Variants in TBC1D12 observed in about 807,000 individuals in gnomAD.
TBC1D12 encodes the protein TBC1 domain family member 12.
A neutral mutation model predicts 86.7 loss-of-function variants in TBC1D12; 56 were observed. That is an observed-to-expected ratio of 0.65 (90% CI 0.52 to 0.81). The LOEUF (loss-of-function observed/expected upper bound fraction) is 0.81, where lower values mean the gene tolerates loss of function less well. Among genes scored for constraint, TBC1D12 ranks in the 30% least tolerant of loss-of-function variants. TBC1D12 has a pLI of 0.00. For missense variants in TBC1D12, 1,023 were observed against 1,038.8 expected, an observed-to-expected ratio of 0.98 and a Z score of 0.21; for synonymous variants, 421 against 411.7, an observed-to-expected ratio of 1.02 and a Z score of -0.27.
In TBC1D12 at chr10:94,402,754, G is replaced by C; in HGVS notation, c.141G>C (p.Glu47Asp). ...TTGGCGGAGGCGTCGGCGCTGTGGA[G>C]CCGCCGGAGGAGGCTGACGAGGAGG... ...GGFGGGVGAV[E>D]PPEEADEEEE... The change falls in exon 1 of 13, where the codon GAG (glutamate) becomes GAC (aspartate). Residue 47 changes from glutamate (E) to aspartate (D), a missense_variant. By Grantham distance (45) the Glu-to-Asp change is conservative. Transcript: ENST00000225235. The C allele has an allele frequency of 6.5e-7, 1 of 1,548,700 alleles. No individual in the cohort carries two copies.
At chr10:94,458,875 C>T (rs1484079516) in intron 2 of TBC1D12, among the ~76,000 whole-genome samples, 3 of 152,078 alleles carry the variant, frequency 2.0e-5, no homozygotes. Flanking sequence ...CAGACCTTTG[C>T]AGTGAGTGTT....
At chr10:94,532,170 G>A (rs186409121) in intron 12 of TBC1D12, among the ~76,000 whole-genome samples, 201 of 148,200 alleles carry the variant, frequency 1.4e-3, no homozygotes, top group African/African-American at 4.5e-3. Context: ...GTCAGTCACC[G>A]CGCCTGGCCT....
At position 94,445,600 on chromosome 10, in the gene TBC1D12, T is replaced by G. The variant is rs558932146; in HGVS notation, c.1095+3581T>G. Among the ~76,000 whole-genome samples the G allele has an allele frequency of 3.9e-5, 6 of 152,296 alleles. No individual in the cohort carries two copies. The South Asian group carries it at 1.0e-3, about 26-fold the overall frequency. On this transcript the variant is annotated intron_variant, in intron 2 of 12. Coordinates refer to ENST00000225235, the MANE Select transcript of TBC1D12 (RefSeq NM_015188.2). ...CCTTTTTGTGGTTATGTTTGTTCTC[T>G]GGGAGGCATTATGTATAGTCAAGTC... is the stretch of plus-strand genomic sequence containing the variant.
chr10:94,433,515 G>C (rs1174228079), intron 1 of TBC1D12, among the ~76,000 whole-genome samples: 2 of 152,130 alleles, frequency 1.3e-5, no homozygotes, highest in Non-Finnish European at 2.9e-5. Flanking sequence ...ATAGAGATCT[G>C]ATAGACAATA....
rs1433122775 is a variant in TBC1D12 at position 94,423,505 on chromosome 10, G to A, written c.972-18391G>A. On this transcript the variant is annotated intron_variant, in intron 1 of 12. Transcript: ENST00000225235. ...TGGGATTACAGGTGCCCGCTACCAC[G>A]CCCGGCTAATTTTTTTACTTTTAGT... Among the ~76,000 whole-genome samples the A allele has an allele frequency of 6.6e-5, 10 of 152,028 alleles. No homozygotes were observed. In the South Asian group the frequency reaches 1.2e-3, roughly 19 times the overall value.
In TBC1D12 at chr10:94,403,000, G is replaced by A. The variant is rs765005469; in HGVS notation, c.387G>A (p.Arg129=). 211 of 1,576,080 alleles carry A rather than the reference G, an allele frequency of 1.3e-4. No individual in the cohort carries two copies. The highest frequency in any genetic ancestry group is 1.7e-4 in the Non-Finnish European group (202 of 1,165,470). The part of the protein sequence containing the change: ...GAEVADGRAP[R]HEGMTNGDSG... Reference sequence around the variant, plus strand: ...AGGTGGCTGATGGCCGCGCGCCGCGGCACGAAGGCATGACCAACGGCGACT... The same window carrying A: ...AGGTGGCTGATGGCCGCGCGCCGCGACACGAAGGCATGACCAACGGCGACT... The change falls in exon 1 of 13, where the codon CGG becomes CGA. Residue 129 remains arginine, a synonymous_variant. Transcript: ENST00000225235.
chr10:94,486,139 CTTTTT>C (rs1282522464), intron 3 of TBC1D12, among the ~76,000 whole-genome samples: 1 of 108,426 alleles, frequency 9.2e-6, no homozygotes, highest in Admixed American at 1.0e-4. Context: ...TCTTCTTCTT[CTTTTT>C]TTTTTTTTTT....
intron 2 of TBC1D12, among the ~76,000 whole-genome samples, chr10:94,445,435 G>T (rs1185401278): frequency 6.6e-6 from 1 of 152,146 alleles, no homozygotes; most frequent in African/African-American, 2.4e-5. Flanking sequence ...AGAAGAAGGG[G>T]TAGAGTTGAA....
chr10:94,517,982 G>A (rs1207546666), intron 9 of TBC1D12, among the ~76,000 whole-genome samples: 3 of 151,948 alleles, frequency 2.0e-5, no homozygotes, highest in South Asian at 2.1e-4. Flanking sequence ...GCGAAATCCC[G>A]TCTCTACTAA....
intron 5 of TBC1D12, among the ~76,000 whole-genome samples, chr10:94,498,382 G>C (rs886456623): frequency 6.6e-6 from 1 of 151,916 alleles, no homozygotes; most frequent in East Asian, 1.9e-4. Flanking sequence ...AAGTTATTTT[G>C]CCAGCATCTT....
chr10:94,532,851 G>T lies in TBC1D12; in HGVS notation c.2260-177G>T, dbSNP rs1052397359. On this transcript the variant is annotated intron_variant, in intron 12 of 12. Coordinates refer to ENST00000225235, the MANE Select transcript of TBC1D12 (RefSeq NM_015188.2). ...AATAGTTGGCAATTGGTAAAAATTG[G>T]AATCTAATCATATTTCATGATTAGA... 2.0e-5 allele frequency among the ~76,000 whole-genome samples: 3 copies of T among 152,014 alleles called. No homozygotes were observed. The East Asian group carries it at 5.8e-4, about 29-fold the overall frequency.
At chr10:94,406,606 G>A (rs1227167698) in intron 1 of TBC1D12, among the ~76,000 whole-genome samples, 1 of 152,122 alleles carries the variant, frequency 6.6e-6, no homozygotes, top group African/African-American at 2.4e-5. Context: ...GCTCTAGCTA[G>A]GTAGTGTAAT....
At chr10:94,473,198 C>T (rs1376865733) in intron 2 of TBC1D12, among the ~76,000 whole-genome samples, 57 of 132,996 alleles carry the variant, frequency 4.3e-4, no homozygotes, top group Non-Finnish European at 8.3e-4. Context: ...ACTAAAAATA[C>T]AAAAAAAAAA....
In TBC1D12 at chr10:94,535,512, T is replaced by C. The variant is rs1333251195; in HGVS notation, c.*2416T>C. 6.6e-6 allele frequency: 1 copy of C among 152,132 alleles called. No individual in the cohort carries two copies. Among genetic ancestry groups the C allele is most frequent in the Non-Finnish European group, 1.5e-5 (1 of 68,000 alleles). 9.4% of individuals were successfully genotyped at this position (152,132 alleles called of 1,614,324 possible). ...CATATATTTTTACCCCATGGGTCAT[T>C]CTAGTCTAAGGACTACTAGTAGAAC... On this transcript the variant is annotated 3_prime_UTR_variant, in exon 13 of 13. Transcript: ENST00000225235.
intron 1 of TBC1D12, among the ~76,000 whole-genome samples, chr10:94,407,816 C>A (rs2054877888): frequency 6.6e-6 from 1 of 151,910 alleles, no homozygotes; most frequent in African/African-American, 2.4e-5. Flanking sequence ...AAAAATAGTT[C>A]TAAGCTGGGC....
intron 9 of TBC1D12, among the ~76,000 whole-genome samples, chr10:94,520,384 C>G (rs1411285469): frequency 1.3e-5 from 2 of 151,996 alleles, no homozygotes; most frequent in Non-Finnish European, 2.9e-5. Context: ...GAAACCCCGT[C>G]TCTACTAAAA....
intron 11 of TBC1D12, among the ~76,000 whole-genome samples, chr10:94,524,704 A>T (rs931155406): frequency 1.0e-4 from 15 of 147,884 alleles, no homozygotes; most frequent in Non-Finnish European, 1.9e-4. Context: ...GCGCCACAGC[A>T]CTCTAGACAG....
At chr10:94,458,999 G>C (rs536739090) in intron 2 of TBC1D12, among the ~76,000 whole-genome samples, 1 of 152,250 alleles carries the variant, frequency 6.6e-6, no homozygotes, top group East Asian at 1.9e-4. Context: ...GGTTGGCGTT[G>C]TTGGCTCAGG....
At chr10:94,484,888 T>A (rs1302391778) in intron 3 of TBC1D12, among the ~76,000 whole-genome samples, 1 of 152,212 alleles carries the variant, frequency 6.6e-6, no homozygotes, top group Non-Finnish European at 1.5e-5. Flanking sequence ...ATTACTTTTT[T>A]ATTTTTTAGA....
Sources: allele counts gnomAD v4.1 joint callset (sites outside exome capture counted in the v4.1 genomes callset), GRCh38; gene constraint gnomAD v4.1.1; transcripts MANE v1.5; gene names NCBI Gene and HGNC (gene_info 2026-07-23, HGNC 2026-07-21).